Variants in CMC1 observed in about 807,000 individuals in gnomAD.
CMC1 encodes C-X9-C motif containing 1, also known as COX assembly mitochondrial protein homolog.
CMC1 carries 14 observed loss-of-function variants against 14.1 expected under a neutral mutation model. That is an observed-to-expected ratio of 0.99 (90% CI 0.66 to 1.55). CMC1 has a LOEUF of 1.55. CMC1 is among the 40% of genes most tolerant of loss of function. The pLI is 0.00. For missense variants in CMC1, 127 were observed against 123.8 expected, an observed-to-expected ratio of 1.03 and a Z score of -0.12; for synonymous variants, 50 against 38.4, an observed-to-expected ratio of 1.30 and a Z score of -1.12.
chr3:28,241,701 G>A lies in CMC1; in HGVS notation c.-93G>A. 1.6e-6 allele frequency: 2 copies of A among 1,237,602 alleles called. No individual in the cohort carries two copies. The highest frequency in any genetic ancestry group is 2.0e-6 in the Non-Finnish European group (2 of 987,946). The allele number at this position is 1,237,602 out of a possible 1,614,324, so 76.7% of individuals were successfully genotyped here. The stretch of plus-strand genomic sequence containing the variant: ...CTGTTGCGGGAAGCTCCCGGGGGTC[G>A]CACGTGCGTCCGAGCCCAAGCCCCT... On this transcript the variant is annotated 5_prime_UTR_variant, in exon 1 of 4. Coordinates refer to ENST00000466830, the MANE Select transcript of CMC1 (RefSeq NM_182523.2).
intron 1 of CMC1, among the ~76,000 whole-genome samples, chr3:28,260,886 A>G (rs992836542): frequency 6.6e-6 from 1 of 152,122 alleles, no homozygotes; most frequent in African/African-American, 2.4e-5. Flanking sequence ...GCTTACAAAT[A>G]TTTGGCGATT....
At chr3:28,308,231 A>C (rs890276869) in intron 2 of CMC1, among the ~76,000 whole-genome samples, 2 of 152,212 alleles carry the variant, frequency 1.3e-5, no homozygotes, top group African/African-American at 4.8e-5. Flanking sequence ...GCAGAAAATG[A>C]AAAGAAAAAT....
chr3:28,293,704 C>G (rs1009146744), intron 2 of CMC1, among the ~76,000 whole-genome samples: 3 of 152,174 alleles, frequency 2.0e-5, no homozygotes, highest in Middle Eastern at 3.4e-3. Flanking sequence ...GCCTCAGCCT[C>G]CTAAGTAGCT....
intron 2 of CMC1, among the ~76,000 whole-genome samples, chr3:28,267,021 T>A (rs1243043845): frequency 6.6e-6 from 1 of 152,162 alleles, no homozygotes; most frequent in Non-Finnish European, 1.5e-5. Context: ...TCCCACCAAC[T>A]GTAATGATGA....
rs35479280 is a variant in CMC1 at position 28,325,125 on chromosome 3, T to TAAAAA, written c.*5509_*5513dup. 9.7e-4 allele frequency: 84 copies of TAAAAA among 86,554 alleles called. No homozygotes were observed. The highest frequency in any genetic ancestry group is 3.2e-3 in the African/African-American group (76 of 23,670). The allele number at this position is 86,554 out of a possible 1,614,324, so 5.4% of individuals were successfully genotyped here. A position where few individuals can be genotyped will look rare whatever the true frequency, so the allele number is the denominator to read the frequency against. ...TACTGTGGTCACAATGTAGGTAAAG[T>TAAAAA]AAAAAAAAAAAAAAAAACAGCCAAA... On this transcript the variant is annotated 3_prime_UTR_variant, in exon 4 of 4. Transcript: ENST00000466830.
In CMC1 at chr3:28,323,782, T is replaced by C. The variant is rs1703271103; in HGVS notation, c.*4153T>C. ...CAATTAATATAGAAGGCAGAGTTTTTTAAACACCTTAAGTTTACTTATTAA... is the reference window on the plus strand; with the variant it reads ...CAATTAATATAGAAGGCAGAGTTTTCTAAACACCTTAAGTTTACTTATTAA... On this transcript the variant is annotated 3_prime_UTR_variant, in exon 4 of 4. Transcript: ENST00000466830. 3.6e-6 allele frequency: 1 copy of C among 279,612 alleles called. No individual in the cohort carries two copies. Among genetic ancestry groups the C allele is most frequent in the Non-Finnish European group, 6.6e-6 (1 of 151,962 alleles). The allele number at this position is 279,612 out of a possible 1,614,324, so 17.3% of individuals were successfully genotyped here.
intron 2 of CMC1, among the ~76,000 whole-genome samples, chr3:28,267,770 A>G (rs1325705102): frequency 6.6e-6 from 1 of 152,246 alleles, no homozygotes; most frequent in Middle Eastern, 3.2e-3. Flanking sequence ...CAATCAAGTC[A>G]AGAATGCTTA....
At chr3:28,288,587 A>C (rs1471159891) in intron 2 of CMC1, among the ~76,000 whole-genome samples, 1 of 152,050 alleles carries the variant, frequency 6.6e-6, no homozygotes, top group Non-Finnish European at 1.5e-5. Flanking sequence ...GTAAATGTAC[A>C]ACTGCAACTG....
intron 2 of CMC1, among the ~76,000 whole-genome samples, chr3:28,275,674 A>T (rs1354131044): frequency 6.6e-6 from 1 of 151,878 alleles, no homozygotes; most frequent in East Asian, 1.9e-4. Flanking sequence ...TGGGAATCCT[A>T]CTCGTCTGGA....
At chr3:28,242,179 T>C (rs1698563305) in intron 1 of CMC1, among the ~76,000 whole-genome samples, 1 of 152,352 alleles carries the variant, frequency 6.6e-6, no homozygotes, top group African/African-American at 2.4e-5. Flanking sequence ...CGCACAGTTT[T>C]ACATTTCTGT....
chr3:28,313,106 C>T (rs1025453690), intron 2 of CMC1, among the ~76,000 whole-genome samples: 1 of 152,020 alleles, frequency 6.6e-6, no homozygotes, highest in African/African-American at 2.4e-5. Context: ...ATCCACCCAC[C>T]TTAGCCCCCA....
At chr3:28,255,882 CAT>C (rs1290048937) in intron 1 of CMC1, among the ~76,000 whole-genome samples, 1 of 152,004 alleles carries the variant, frequency 6.6e-6, no homozygotes, top group Non-Finnish European at 1.5e-5. Context: ...GAAAAAAAGT[CAT>C]GTGAACACCT....
chr3:28,284,829 G>C (rs1298578797), intron 2 of CMC1, among the ~76,000 whole-genome samples: 1 of 152,062 alleles, frequency 6.6e-6, no homozygotes, highest in African/African-American at 2.4e-5. Context: ...CTAGGTGTCA[G>C]GTTCTTTTCC....
rs1218900712 is a variant in CMC1 at position 28,320,445 on chromosome 3, C to G, written c.*816C>G. On this transcript the variant is annotated 3_prime_UTR_variant, in exon 4 of 4. Coordinates refer to ENST00000466830, the MANE Select transcript of CMC1 (RefSeq NM_182523.2). ...AGCCCGCTCTCTTGAGAACTAATAC[C>G]TGTAATAATGGCATAAATCCATTCA... 1 of 151,456 alleles carries G rather than the reference C, an allele frequency of 6.6e-6. No homozygotes were observed. Among genetic ancestry groups the G allele is most frequent in the Non-Finnish European group, 1.5e-5 (1 of 67,620 alleles). The allele number at this position is 151,456 out of a possible 1,614,324, so 9.4% of individuals were successfully genotyped here. A position where few individuals can be genotyped will look rare whatever the true frequency, so the allele number is the denominator to read the frequency against.
intron 2 of CMC1, among the ~76,000 whole-genome samples, chr3:28,274,249 A>G (rs1700465555): frequency 1.0e-5 from 1 of 98,800 alleles, no homozygotes. Flanking sequence ...GTGGCTAGTA[A>G]CAGTTTTTCC....
At chr3:28,276,341 C>T (rs1224017765) in intron 2 of CMC1, among the ~76,000 whole-genome samples, 1 of 152,090 alleles carries the variant, frequency 6.6e-6, no homozygotes, top group Admixed American at 6.5e-5. Context: ...TTATGTAACT[C>T]ATCTTTCAAG....
intron 2 of CMC1, among the ~76,000 whole-genome samples, chr3:28,273,170 A>T (rs906810582): frequency 7.2e-5 from 11 of 152,110 alleles, no homozygotes; most frequent in African/African-American, 2.4e-4. Context: ...TTTGGTTAGT[A>T]TGCTATTTAT....
chr3:28,292,897 C>G (rs952592358), intron 2 of CMC1: 1 of 152,150 alleles, frequency 6.6e-6, no homozygotes, highest in Non-Finnish European at 1.5e-5. Flanking sequence ...TTGAATTTAT[C>G]AAACGTCATT....
At chr3:28,278,741 G>T (rs1366701040) in intron 2 of CMC1, among the ~76,000 whole-genome samples, 2 of 152,186 alleles carry the variant, frequency 1.3e-5, no homozygotes, top group Non-Finnish European at 2.9e-5. Flanking sequence ...TACCTATTCG[G>T]TATCAACTGA....
Sources: gnomAD v4.1 joint callset for allele counts (sites outside exome capture counted in the v4.1 genomes callset) on GRCh38, gnomAD v4.1.1 for gene constraint, MANE v1.5 for transcripts, NCBI Gene and HGNC (gene_info 2026-07-23, HGNC 2026-07-21) for gene names.